EMCN: variants seen among roughly 807,000 people sequenced by gnomAD.
EMCN encodes the protein endomucin, also known as MUC-14.
EMCN carries 37 observed loss-of-function variants against 38.4 expected under a neutral mutation model. The ratio of observed to expected loss-of-function variants is 0.96; its 90% CI spans 0.74 to 1.27. EMCN has a LOEUF of 1.27. Among genes scored for constraint, EMCN ranks in the 50% most tolerant of loss-of-function variants. The pLI is 0.00. For synonymous variants in EMCN, 95 were observed against 100.8 expected (o/e 0.94, Z 0.35); for missense variants, 318 against 302.8 (o/e 1.05, Z -0.37).
chr4:100,516,119 G>T (rs1282090264), intron 1 of EMCN, among the ~76,000 whole-genome samples: 2 of 151,960 alleles, frequency 1.3e-5, no homozygotes, highest in Admixed American at 1.3e-4. Context: ...ATCCTACAGG[G>T]GTTAACAGTT....
intron 3 of EMCN, among the ~76,000 whole-genome samples, chr4:100,469,087 A>G (rs1051283697): frequency 1.6e-4 from 24 of 152,118 alleles, no homozygotes; most frequent in African/African-American, 5.8e-4. Flanking sequence ...CTAAACATAT[A>G]TGGTCAATTA....
chr4:100,509,006 A>C (rs749756228), intron 1 of EMCN, among the ~76,000 whole-genome samples: 2 of 152,216 alleles, frequency 1.3e-5, no homozygotes, highest in Non-Finnish European at 2.9e-5. Flanking sequence ...AACTGAAAAC[A>C]AATCTAGGAA....
At chr4:100,452,056 T>C (rs1727852904) in intron 4 of EMCN, among the ~76,000 whole-genome samples, 3 of 151,984 alleles carry the variant, frequency 2.0e-5, no homozygotes, top group Admixed American at 2.0e-4. Context: ...TCATAACCAA[T>C]AAGCTAACTT....
At chr4:100,417,977 T>C (rs75944035) in intron 8 of EMCN, among the ~76,000 whole-genome samples, 3,378 of 152,318 alleles carry the variant, frequency 0.022, 55 homozygotes, top group Non-Finnish European at 0.036. Flanking sequence ...GAGTATGCCC[T>C]TTGAATATAA....
At chr4:100,467,482 T>C (rs1281571083) in intron 3 of EMCN, among the ~76,000 whole-genome samples, 2 of 151,270 alleles carry the variant, frequency 1.3e-5, no homozygotes, top group Non-Finnish European at 2.9e-5. Context: ...ATCGAGACCA[T>C]CCTGGCTAAC....
chr4:100,476,991 TA>T (rs1728669236), intron 2 of EMCN, among the ~76,000 whole-genome samples: 1 of 152,230 alleles, frequency 6.6e-6, no homozygotes, highest in East Asian at 1.9e-4. Flanking sequence ...TTGTTCTTTA[TA>T]GTTGTATCTA....
intron 4 of EMCN, 36 bp from the exon 5 acceptor site, chr4:100,447,607 T>A (rs371833103): frequency 2.2e-6 from 3 of 1,385,894 alleles, no homozygotes; most frequent in Middle Eastern, 3.6e-4. Context: ...ATCAGTACAA[T>A]TAAATGTTGA....
At position 100,407,631 on chromosome 4, in the gene EMCN, T is replaced by C. The variant is rs115968414; in HGVS notation, c.*39+2651A>G. On this transcript the variant is annotated intron_variant, in intron 11 of 11. Transcript: ENST00000296420. ...TGGTTCCCTTTGTAGGTTGACCTGCTCATTCTCCCTAGCTACCTTTAATAG... is the reference window on the plus strand; with the variant it reads ...TGGTTCCCTTTGTAGGTTGACCTGCCCATTCTCCCTAGCTACCTTTAATAG... 6.6e-3 allele frequency among the ~76,000 whole-genome samples: 1,003 copies of C among 152,246 alleles called. 16 individuals carry two copies. Among genetic ancestry groups the C allele is most frequent in the African/African-American group, 0.023 (954 of 41,564 alleles).
chr4:100,459,178 T>G (rs1728101535), intron 4 of EMCN, among the ~76,000 whole-genome samples: 1 of 1,138 alleles, frequency 8.8e-4, no homozygotes, highest in African/African-American at 8.2e-3. Context: ...GCTCTCTCTC[T>G]CTCTCTCTCT....
intron 4 of EMCN, 61 bp from the exon 5 acceptor site, chr4:100,447,632 C>A: frequency 9.3e-7 from 1 of 1,080,346 alleles, no homozygotes; most frequent in South Asian, 1.3e-5. Flanking sequence ...CAGATCTATT[C>A]TCACAATTGT....
intron 11 of EMCN, among the ~76,000 whole-genome samples, chr4:100,405,145 A>T (rs1836045): frequency 0.31 from 46,809 of 151,882 alleles, 10,199 homozygotes; most frequent in East Asian, 0.77. Context: ...AGGTATAGAA[A>T]CATATAATCT....
intron 2 of EMCN, among the ~76,000 whole-genome samples, chr4:100,479,565 A>G (rs1578221991): frequency 6.6e-6 from 1 of 152,240 alleles, no homozygotes; most frequent in African/African-American, 2.4e-5. Flanking sequence ...CAGTTTCACC[A>G]TGTTGGCTGT....
chr4:100,422,796 G>GCTTTCTTTCTTTCTTT (rs1726924821), intron 7 of EMCN, among the ~76,000 whole-genome samples: 1 of 117,904 alleles, frequency 8.5e-6, no homozygotes, highest in South Asian at 2.9e-4. Context: ...TTCCTCTTCT[G>GCTTTCTTTCTTTCTTT]TTTTCTTTCT....
At chr4:100,507,010 A>G (rs1003329679) in intron 1 of EMCN, among the ~76,000 whole-genome samples, 1 of 152,164 alleles carries the variant, frequency 6.6e-6, no homozygotes, top group Non-Finnish European at 1.5e-5. Flanking sequence ...GGAACCAGAA[A>G]TATTTGTGTT....
intron 1 of EMCN, among the ~76,000 whole-genome samples, chr4:100,516,472 T>G (rs2110316145): frequency 6.6e-6 from 1 of 152,196 alleles, no homozygotes; most frequent in South Asian, 2.1e-4. Context: ...TCCATGGGAT[T>G]GAGATTCCTA....
chr4:100,401,516 G>A (rs1312650026), intron 11 of EMCN, among the ~76,000 whole-genome samples: 2 of 152,080 alleles, frequency 1.3e-5, no homozygotes, highest in Non-Finnish European at 2.9e-5. Context: ...CATGAATACA[G>A]AGAGGCAATT....
chr4:100,407,284 G>A (rs557253815), intron 11 of EMCN, among the ~76,000 whole-genome samples: 49 of 152,176 alleles, frequency 3.2e-4, no homozygotes, highest in Admixed American at 2.8e-3. Flanking sequence ...CTGGCGTTAC[G>A]TAGACATGAT....
At chr4:100,502,313 C>T (rs971073158) in intron 1 of EMCN, among the ~76,000 whole-genome samples, 6 of 152,164 alleles carry the variant, frequency 3.9e-5, no homozygotes, top group African/African-American at 1.4e-4. Flanking sequence ...TTGAATATAC[C>T]TGGCTTCCAG....
At chr4:100,486,750 G>T in intron 1 of EMCN, 1 of 615,218 alleles carries the variant, frequency 1.6e-6, no homozygotes, top group Non-Finnish European at 2.0e-6. Context: ...GCATTCCAGT[G>T]GTGAGTTTGT....
Sources: allele counts gnomAD v4.1 joint callset (sites outside exome capture counted in the v4.1 genomes callset), GRCh38; gene constraint gnomAD v4.1.1; transcripts MANE v1.5; gene names NCBI Gene and HGNC (gene_info 2026-07-23, HGNC 2026-07-21).